MYH9: variants seen among roughly 807,000 people sequenced by gnomAD.
MYH9 encodes the protein myosin heavy chain 9, also known as myosin-9.
Under a neutral mutation model 241.9 loss-of-function variants are expected in MYH9, and 29 were observed. The ratio of observed to expected loss-of-function variants is 0.12; its 90% CI spans 0.09 to 0.16. The LOEUF is 0.16. Ranked by LOEUF, MYH9 falls within the 10% of genes least tolerant of loss-of-function variation. The probability of loss-of-function intolerance (pLI) is 1.00; values close to 1 mark genes in which losing one functional copy is unlikely to be tolerated. For missense variants in MYH9, 1,803 were observed against 2,595.5 expected, an observed-to-expected ratio of 0.69 and a Z score of 6.63; for synonymous variants, 1,047 against 1,062.6, an observed-to-expected ratio of 0.99 and a Z score of 0.29.
chr22:36,304,991 G>C (rs773179793), intron 18 of MYH9, 42 bp downstream of exon 18: 40 of 1,595,960 alleles, frequency 2.5e-5, no homozygotes, highest in Non-Finnish European at 3.3e-5. Flanking sequence ...CCCAGACAAG[G>C]GGCTGCCCAT....
At chr22:36,284,367 C>T in intron 39 of MYH9, 36 bp downstream of exon 39, 2 of 1,608,736 alleles carry the variant, frequency 1.2e-6, no homozygotes, top group Non-Finnish European at 8.5e-7. Context: ...CTGCCCAGCC[C>T]CGCTGCCCTT....
intron 13 of MYH9, among the ~76,000 whole-genome samples, chr22:36,313,216 T>C (rs1286337963): frequency 1.4e-5 from 2 of 148,134 alleles, no homozygotes; most frequent in African/African-American, 2.5e-5. Context: ...GTAATCCCAG[T>C]ACTTTGGGAG....
chr22:36,366,468 G>T (rs1403098403), intron 1 of MYH9, among the ~76,000 whole-genome samples: 1 of 152,132 alleles, frequency 6.6e-6, no homozygotes, highest in Non-Finnish European at 1.5e-5. Context: ...TCATCTCGTG[G>T]TGTTTACATC....
rs150177079 is a variant in MYH9 at position 36,300,967 on chromosome 22, C to T, written c.2722G>A (p.Ala908Thr). 1.9e-6 allele frequency: 3 copies of T among 1,611,646 alleles called. No individual in the cohort carries two copies. The highest frequency in any genetic ancestry group is 2.5e-6 in the Non-Finnish European group (3 of 1,180,022). ...EAEELRARLT[A>T]KKQELEEICH... is the part of the protein sequence containing the mutation. ...ATCTCTTCTAATTCCTGCTTCTTGG[C>T]GGTCAGGCGGGCCCGGAGCTCCTCA... is the stretch of plus-strand genomic sequence containing the variant. Residue 908 changes from alanine (A) to threonine (T), a missense_variant, in exon 22 of 41, where the codon GCC becomes ACC. By Grantham distance (58) the Ala-to-Thr change is moderately conservative (BLOSUM62 0). This residue lies in a region of MYH9 where 290 missense variants were observed against 360.5 expected (regional missense o/e 0.80). Coordinates refer to ENST00000216181, the MANE Select transcript of MYH9 (RefSeq NM_002473.6). The surrounding 1 kb of genome is among the most constrained non-coding windows in gnomAD (Gnocchi z 5.0).
Position 36,281,973 on chromosome 22 carries a change from A to T in MYH9, c.*695T>A, listed in dbSNP as rs1002028849. On this transcript the variant is annotated 3_prime_UTR_variant, in exon 41 of 41. Transcript: ENST00000216181. ...GTGGCAGAGGCAGGCTGTCCTCGGT[A>T]AAGGAGGGGAGGGGGCATTGCACTT... is the stretch of plus-strand genomic sequence containing the variant. 1 of 231,826 alleles carries T rather than the reference A, an allele frequency of 4.3e-6. No homozygotes were observed. The highest frequency in any genetic ancestry group is 8.5e-6 in the Non-Finnish European group (1 of 117,058). 14.4% of individuals were successfully genotyped at this position (231,826 alleles called of 1,614,324 possible). A position where few individuals can be genotyped will look rare whatever the true frequency, so the allele number is the denominator to read the frequency against.
intron 1 of MYH9, among the ~76,000 whole-genome samples, chr22:36,368,163 A>C (rs575354932): frequency 6.6e-6 from 1 of 152,294 alleles, no homozygotes; most frequent in South Asian, 2.1e-4. Context: ...TCATCTGTAC[A>C]ATGGGAATGA....
intron 3 of MYH9, among the ~76,000 whole-genome samples, chr22:36,333,594 T>G (rs1221234462): frequency 1.3e-5 from 2 of 152,208 alleles, no homozygotes; most frequent in Non-Finnish European, 2.9e-5. Context: ...ACTAAACAAA[T>G]TTGACAGAAG....
At chr22:36,358,556 G>A (rs866247457) in intron 1 of MYH9, among the ~76,000 whole-genome samples, 1 of 152,006 alleles carries the variant, frequency 6.6e-6, no homozygotes, top group South Asian at 2.1e-4. Flanking sequence ...CATCACACCT[G>A]AACTCCCCCA....
At chr22:36,314,029 A>G in intron 13 of MYH9, 116 bp downstream of exon 13, 1 of 1,362,414 alleles carries the variant, frequency 7.3e-7, no homozygotes, top group African/African-American at 1.4e-5. Context: ...GGTGGCACCA[A>G]AAGGAAGGGG....
At chr22:36,294,885 C>A (rs745618216) in intron 27 of MYH9, 47 bp downstream of exon 27, 1 of 1,604,140 alleles carries the variant, frequency 6.2e-7, no homozygotes, top group Non-Finnish European at 8.5e-7. Context: ...GTGGGCCCAG[C>A]ACGGGGAACC....
intron 10 of MYH9, among the ~76,000 whole-genome samples, chr22:36,318,825 G>A (rs561924960): frequency 1.3e-4 from 19 of 151,922 alleles, no homozygotes; most frequent in Admixed American, 7.2e-4. Context: ...GTGCAGTGGC[G>A]CGATTTCGGC....
Position 36,349,218 on chromosome 22 carries a change from C to A in MYH9, c.19G>T (p.Asp7Tyr), listed in dbSNP as rs762745890. 14 of 1,614,042 alleles carry A rather than the reference C, an allele frequency of 8.7e-6. No homozygotes were observed. The Admixed American group carries it at 2.0e-4, about 23-fold the overall frequency. Residue 7 changes from aspartate (D) to tyrosine (Y), a missense_variant, in exon 2 of 41, where the codon GAT becomes TAT. Asp to Tyr is a radical substitution (Grantham distance 160). Coordinates refer to ENST00000216181, the MANE Select transcript of MYH9 (RefSeq NM_002473.6). ...TTTTTATCCACATAGAGATACTTAT[C>A]GGCAGCTTGCTGTGCCATGGTGACT... MAQQAADKYLYVDKNFI... is the reference protein window; with the variant it reads MAQQAAYKYLYVDKNFI...
In MYH9 at chr22:36,344,224, C is replaced by T. The variant is rs531415444; in HGVS notation, c.334-2698G>A. Among the ~76,000 whole-genome samples, 9 of 152,372 alleles carry T rather than the reference C, an allele frequency of 5.9e-5. No homozygotes were observed. The South Asian group carries it at 6.2e-4, about 11-fold the overall frequency. ...CATCGAGCAAGCGGCTTCGCGCCCA[C>T]GCGGCGCGGCCACGACACGGCGCTG... On this transcript the variant is annotated intron_variant, in intron 2 of 40. Transcript: ENST00000216181.
Position 36,295,112 on chromosome 22 carries a change from G to A in MYH9, c.3486-36C>T, listed in dbSNP as rs1239850671. On this transcript the variant is annotated intron_variant, in intron 26 of 40. Coordinates refer to ENST00000216181, the MANE Select transcript of MYH9 (RefSeq NM_002473.6). The surrounding 1 kb of genome is among the most constrained non-coding windows in gnomAD (Gnocchi z 4.1). ...AAATCCCCTCAGAGTGGAGGCCGGG[G>A]ATGCTGGAGCGAGGCTGTCCCTGGG... is the stretch of plus-strand genomic sequence containing the variant. 2.5e-6 allele frequency: 4 copies of A among 1,613,926 alleles called. No individual in the cohort carries two copies. In the South Asian group the frequency reaches 3.3e-5, roughly 13 times the overall value.
chr22:36,300,352 C>T lies in MYH9; in HGVS notation c.2839-88G>A, dbSNP rs769939563. On this transcript the variant is annotated intron_variant, in intron 22 of 40. Coordinates refer to ENST00000216181, the MANE Select transcript of MYH9 (RefSeq NM_002473.6). The surrounding 1 kb of genome is among the most constrained non-coding windows in gnomAD (Gnocchi z 5.0). ...GCAAGGTCCGAAGGCCAGATCCAAA[C>T]GCCAAGGAGAAAATAGCAAGGTCTG... is the stretch of plus-strand genomic sequence containing the variant. The T allele has an allele frequency of 4.5e-5, 71 of 1,578,272 alleles. No individual in the cohort carries two copies. The highest frequency in any genetic ancestry group is 3.5e-4 in the Middle Eastern group (2 of 5,772).
At chr22:36,313,321 G>A (rs191794531) in intron 13 of MYH9, among the ~76,000 whole-genome samples, 155 of 149,420 alleles carry the variant, frequency 1.0e-3, no homozygotes, top group African/African-American at 3.1e-3. Flanking sequence ...GCGTGGTGGC[G>A]GGCGCCTGTA....
At chr22:36,367,089 A>T (rs907990919) in intron 1 of MYH9, among the ~76,000 whole-genome samples, 1 of 152,168 alleles carries the variant, frequency 6.6e-6, no homozygotes, top group Non-Finnish European at 1.5e-5. Context: ...GACTTTTAGG[A>T]GTCCCCTGGT....
chr22:36,342,661 C>G (rs527344463), intron 2 of MYH9, among the ~76,000 whole-genome samples: 8 of 152,142 alleles, frequency 5.3e-5, no homozygotes, highest in African/African-American at 1.9e-4. Context: ...CTAAAAGCTG[C>G]GCAAGACTCC....
intron 1 of MYH9, among the ~76,000 whole-genome samples, chr22:36,372,494 CAA>C (rs57031494): frequency 2.2e-4 from 16 of 71,680 alleles, no homozygotes; most frequent in Admixed American, 4.3e-4. Flanking sequence ...CCCTGTCTCT[CAA>C]AAAAAAAAAA....
Sources: allele counts gnomAD v4.1 joint callset (sites outside exome capture counted in the v4.1 genomes callset), GRCh38; gene constraint gnomAD v4.1.1; regional missense constraint gnomAD v4.1.1; non-coding constraint Gnocchi (gnomAD v3.1); transcripts MANE v1.5; gene names NCBI Gene and HGNC (gene_info 2026-07-23, HGNC 2026-07-21).